The following ARSD variants were observed in gnomAD, a reference collection of about 807,000 sequenced individuals.
The protein encoded by ARSD is arylsulfatase D, also known as testis tissue sperm-binding protein Li 39a.
In ARSD, 21 loss-of-function variants were observed where a neutral mutation model predicts 32.6. The ratio of observed to expected loss-of-function variants is 0.64; its 90% CI spans 0.46 to 0.93. The LOEUF (loss-of-function observed/expected upper bound fraction) is 0.93. Ranked by LOEUF, ARSD falls within the 40% of genes least tolerant of loss-of-function variation. The pLI, the probability that ARSD is intolerant of heterozygous loss-of-function variation, is 0.00. For missense variants in ARSD, 454 were observed against 520.9 expected (o/e 0.87, Z 1.25); for synonymous variants, 224 against 237.4 (o/e 0.94, Z 0.52).
chrX:2,919,737 C>T (rs1258481035), intron 4 of ARSD, among the ~76,000 whole-genome samples: 2 of 111,689 alleles, frequency 1.8e-5, no homozygotes, highest in Admixed American at 9.5e-5. Flanking sequence ...TGAGTGCCTG[C>T]AGGACCAGCC....
chrX:2,922,902 GAA>G (rs200169115), intron 2 of ARSD, among the ~76,000 whole-genome samples: 4,025 of 83,800 alleles, frequency 0.048, 228 homozygotes, highest in African/African-American at 0.16. Flanking sequence ...AAGAAAGAAA[GAA>G]AGAAAAGGAG....
At chrX:2,920,959 A>G (rs768320898) in intron 3 of ARSD, among the ~76,000 whole-genome samples, 1 of 112,013 alleles carries the variant, frequency 8.9e-6, no homozygotes, top group African/African-American at 3.2e-5. Flanking sequence ...TCTCGAAATA[A>G]TAAGCATGGC....
At chrX:2,916,971 G>A (rs112109375) in intron 5 of ARSD, among the ~76,000 whole-genome samples, 3 of 106,282 alleles carry the variant, frequency 2.8e-5, no homozygotes, top group Non-Finnish European at 3.9e-5. Context: ...GGTGGCTCAC[G>A]CTTATAATCC....
intron 6 of ARSD, chrX:2,913,499 T>C: frequency 1.1e-6 from 1 of 942,385 alleles, no homozygotes; most frequent in Non-Finnish European, 1.4e-6. Flanking sequence ...TATTTTTGGT[T>C]TACACTGTGA....
Position 2,918,213 on chromosome X carries a change from C to G in ARSD, c.454G>C (p.Gly152Arg), listed in dbSNP as rs781720672. ...ATGLIGKWHQ[G>R]VNCASRGDHC... ...TCCCCGCGGGATGCACAATTCACAC[C>G]CTGGTGCCATTTTCCTAAAAGAAAC... Residue 152 changes from glycine to arginine, a missense_variant, in exon 5 of 10, where the codon GGT (glycine) becomes CGT (arginine). By Grantham distance (125) the Gly-to-Arg change is moderately radical (BLOSUM62 -2). Around this residue, in one of 3 missense-constraint regions of ARSD, gnomAD observed 271 missense variants for 301.0 expected, o/e 0.90. Transcript: ENST00000381154. The G allele has an allele frequency of 8.6e-7, 1 of 1,156,954 alleles. No homozygotes were observed. The highest frequency in any genetic ancestry group is 2.6e-5 in the Admixed American group (1 of 38,226).
intron 4 of ARSD, among the ~76,000 whole-genome samples, chrX:2,918,478 C>T (rs753074174): frequency 8.0e-5 from 9 of 112,449 alleles, no homozygotes; most frequent in Admixed American, 2.8e-4. Context: ...CGGCCGGGCG[C>T]GGTGGCTCAC....
At position 2,909,551 on chromosome X, in the gene ARSD, G is replaced by A. The variant is rs776130239; in HGVS notation, c.1298+266C>T. 4.2e-3 allele frequency among the ~76,000 whole-genome samples: 462 copies of A among 108,724 alleles called. 4 individuals are homozygous for A. Among genetic ancestry groups the A allele is most frequent in the African/African-American group, 0.015 (444 of 29,843 alleles). The allele number at this position is 108,724 out of a possible 115,157, so 94.4% of individuals were successfully genotyped here. On this transcript the variant is annotated intron_variant, in intron 8 of 9. Transcript: ENST00000381154. ...GGCCACATGGGTAAAGGAGATGGTG[G>A]CGCATGCCTGTAATCCCAGCTACTC...
At chrX:2,924,796 C>T (rs989356452) in intron 2 of ARSD, among the ~76,000 whole-genome samples, 1 of 111,937 alleles carries the variant, frequency 8.9e-6, no homozygotes, top group Non-Finnish European at 1.9e-5. Context: ...GAGACACAGA[C>T]ACAGGGGAGA....
rs1179629944 is a variant in ARSD at position 2,922,099 on chromosome X, G to GC, written c.195-76dup. ...CTTAAGCAGATCCCTGCTCTGAAAG[G>GC]CACAGGAATAGCTGCAAGGACTTCA... On this transcript the variant is annotated intron_variant, in intron 2 of 9. Coordinates refer to ENST00000381154, the MANE Select transcript of ARSD (RefSeq NM_001669.4). The GC allele has an allele frequency of 2.7e-6, 3 of 1,093,675 alleles. No individual in the cohort carries two copies. In the African/African-American group the frequency reaches 5.5e-5, roughly 20 times the overall value. 90.1% of individuals were successfully genotyped at this position (1,093,675 alleles called of 1,213,427 possible). A position where few individuals can be genotyped will look rare whatever the true frequency, so the allele number is the denominator to read the frequency against.
intron 5 of ARSD, 100 bp downstream of exon 5, chrX:2,917,704 T>G (rs1239480722): frequency 1.1e-6 from 1 of 890,341 alleles, no homozygotes; most frequent in Non-Finnish European, 1.5e-6. Context: ...GCACCTGGGC[T>G]AAAAGATCCT....
At chrX:2,924,814 A>G (rs1256112061) in intron 2 of ARSD, among the ~76,000 whole-genome samples, 8 of 111,696 alleles carry the variant, frequency 7.2e-5, no homozygotes, top group East Asian at 5.7e-4. Context: ...AGAAGGCCGC[A>G]TGGGGACGGA....
Position 2,905,580 on chromosome X carries a change from G to A in ARSD, c.*1691C>T, listed in dbSNP as rs1349497593. 1.8e-5 allele frequency: 2 copies of A among 113,068 alleles called. No individual in the cohort carries two copies. The allele number at this position is 113,068 out of a possible 1,213,427, so 9.3% of individuals were successfully genotyped here. On this transcript the variant is annotated 3_prime_UTR_variant, in exon 10 of 10. Coordinates refer to ENST00000381154, the MANE Select transcript of ARSD (RefSeq NM_001669.4). ...TCTATGTCTGAAGGTTCCCATGGCTGTCTCTTTGCCCAAGGGGCAAACTTT... is the reference window on the plus strand; with the variant it reads ...TCTATGTCTGAAGGTTCCCATGGCTATCTCTTTGCCCAAGGGGCAAACTTT...
intron 4 of ARSD, among the ~76,000 whole-genome samples, chrX:2,918,567 G>C (rs56869300): frequency 9.1e-6 from 1 of 110,246 alleles, no homozygotes; most frequent in Non-Finnish European, 1.9e-5. Context: ...TGGCTAACAC[G>C]GTGAAACCCC....
intron 3 of ARSD, 102 bp from the exon 4 acceptor site, chrX:2,920,825 A>G: frequency 9.9e-7 from 1 of 1,014,848 alleles, no homozygotes; most frequent in Non-Finnish European, 1.3e-6. Flanking sequence ...TGTGCACCCG[A>G]GCCAGGCTGC....
chrX:2,928,638 C>T (rs1022089993), intron 1 of ARSD, among the ~76,000 whole-genome samples: 1 of 89,467 alleles, frequency 1.1e-5, no homozygotes, highest in African/African-American at 4.4e-5. Context: ...CTTAGTGGAC[C>T]CGGGGAACAC....
At position 2,920,747 on chromosome X, in the gene ARSD, G is replaced by T. The variant is rs368004557; in HGVS notation, c.317-24C>A. ...GCCTGTGGGGCAGAGAAGACAGGAAGAATTTACTTTCCTTTCTCTAGAGGA... is the reference window on the plus strand; with the variant it reads ...GCCTGTGGGGCAGAGAAGACAGGAATAATTTACTTTCCTTTCTCTAGAGGA... On this transcript the variant is annotated intron_variant, in intron 3 of 9. Coordinates refer to ENST00000381154, the MANE Select transcript of ARSD (RefSeq NM_001669.4). 2.3e-5 allele frequency: 28 copies of T among 1,203,799 alleles called. 1 individual carries two copies. The highest frequency in any genetic ancestry group is 2.8e-5 in the Non-Finnish European group (25 of 891,970).
At chrX:2,922,161 A>C in intron 2 of ARSD, 137 bp from the exon 3 acceptor site, 1 of 801,929 alleles carries the variant, frequency 1.2e-6, no homozygotes, top group Non-Finnish European at 1.7e-6. Flanking sequence ...GGTCTCCTGC[A>C]GCGGTAGATT....
chrX:2,928,905 C>G (rs757887039), intron 1 of ARSD, among the ~76,000 whole-genome samples: 134 of 112,180 alleles, frequency 1.2e-3, no homozygotes, highest in African/African-American at 4.1e-3. Context: ...CCGCTCCCTC[C>G]GGGTCCCGGC....
At chrX:2,922,077 A>T (rs1442345218) in intron 2 of ARSD, 53 bp from the exon 3 acceptor site, 20 of 1,149,150 alleles carry the variant, frequency 1.7e-5, no homozygotes, top group Non-Finnish European at 2.1e-5. Flanking sequence ...CATTTGGCTT[A>T]AGCAGATCCC....
Sources: gnomAD v4.1 joint callset for allele counts (sites outside exome capture counted in the v4.1 genomes callset) on GRCh38, gnomAD v4.1.1 for gene constraint, gnomAD v4.1.1 regional missense constraint, MANE v1.5 for transcripts, NCBI Gene and HGNC (gene_info 2026-07-23, HGNC 2026-07-21) for gene names.